THSD7A: variants seen among roughly 807,000 people sequenced by gnomAD.
THSD7A encodes thrombospondin type 1 domain containing 7A, also known as thrombospondin type-1 domain-containing protein 7A.
THSD7A carries 96 observed loss-of-function variants against 231.3 expected under a neutral mutation model. The observed-to-expected ratio is 0.41, with a 90% CI of 0.35 to 0.49. The LOEUF (loss-of-function observed/expected upper bound fraction) is 0.49. THSD7A is among the 20% of genes least tolerant of loss of function. THSD7A has a pLI of 0.05. For synonymous variants in THSD7A, 940 were observed against 743.3 expected, an observed-to-expected ratio of 1.26 and a Z score of -4.30; for missense variants, 2,290 against 2,070.2, an observed-to-expected ratio of 1.11 and a Z score of -2.06.
chr7:11,551,223 T>C (rs1402233805), intron 4 of THSD7A, among the ~76,000 whole-genome samples: 1 of 151,858 alleles, frequency 6.6e-6, no homozygotes, highest in Non-Finnish European at 1.5e-5. Context: ...AAATGTAAAA[T>C]CTAATACTAT....
chr7:11,744,134 T>C (rs1227200510), intron 1 of THSD7A, among the ~76,000 whole-genome samples: 2 of 151,868 alleles, frequency 1.3e-5, no homozygotes, highest in Admixed American at 1.3e-4. Context: ...TCATACCATG[T>C]TGGATACCTG....
intron 4 of THSD7A, among the ~76,000 whole-genome samples, chr7:11,553,800 G>A (rs1032526401): frequency 6.6e-6 from 1 of 151,874 alleles, no homozygotes; most frequent in Non-Finnish European, 1.5e-5. Context: ...GAATGTTTAT[G>A]GTTCCGAAAT....
intron 1 of THSD7A, among the ~76,000 whole-genome samples, chr7:11,795,257 A>G (rs1041536271): frequency 1.3e-5 from 2 of 151,982 alleles, no homozygotes; most frequent in Admixed American, 1.3e-4. Flanking sequence ...GCACACATAC[A>G]CACACAAGCA....
At chr7:11,596,179 T>C (rs1780351628) in intron 2 of THSD7A, among the ~76,000 whole-genome samples, 1 of 152,220 alleles carries the variant, frequency 6.6e-6, no homozygotes, top group African/African-American at 2.4e-5. Context: ...CAATTTATGC[T>C]GTTAATCTTT....
chr7:11,729,072 A>G (rs1781638492), intron 1 of THSD7A, among the ~76,000 whole-genome samples: 1 of 151,864 alleles, frequency 6.6e-6, no homozygotes, highest in African/African-American at 2.4e-5. Flanking sequence ...ATATCTAGAC[A>G]ACACTATCAT....
chr7:11,690,466 G>T (rs1045013093), intron 1 of THSD7A, among the ~76,000 whole-genome samples: 7 of 151,624 alleles, frequency 4.6e-5, no homozygotes, highest in Non-Finnish European at 1.0e-4. Flanking sequence ...TATTCCACTG[G>T]TTCTCTGGTA....
intron 1 of THSD7A, among the ~76,000 whole-genome samples, chr7:11,815,405 C>T (rs1327876571): frequency 6.6e-6 from 1 of 152,062 alleles, no homozygotes; most frequent in Non-Finnish European, 1.5e-5. Context: ...CTACTCCCCT[C>T]ATTTGTATTC....
chr7:11,643,249 C>T (rs1782155257), intron 1 of THSD7A, among the ~76,000 whole-genome samples: 1 of 151,994 alleles, frequency 6.6e-6, no homozygotes, highest in Non-Finnish European at 1.5e-5. Context: ...ACATAAACAG[C>T]TTAGTAATAT....
Position 11,373,089 on chromosome 7 carries a change from A to C in THSD7A, c.*2705T>G, listed in dbSNP as rs1352334698. 2 of 151,472 alleles carry C rather than the reference A, an allele frequency of 1.3e-5. No homozygotes were observed. The highest frequency in any genetic ancestry group is 3.9e-4 in the East Asian group (2 of 5,186). The allele number at this position is 151,472 out of a possible 1,614,324, so 9.4% of individuals were successfully genotyped here. On this transcript the variant is annotated 3_prime_UTR_variant, in exon 28 of 28. Transcript: ENST00000423059. Reference sequence around the variant, plus strand: ...TGTGTGTGTGTGTGTATATATATATATGCATGCATATATGCTGTAAAATCT... The same window carrying C: ...TGTGTGTGTGTGTGTATATATATATCTGCATGCATATATGCTGTAAAATCT...
intron 1 of THSD7A, among the ~76,000 whole-genome samples, chr7:11,646,335 C>A (rs1348212385): frequency 1.3e-5 from 2 of 151,990 alleles, no homozygotes; most frequent in African/African-American, 4.8e-5. Flanking sequence ...ATGTGATTGG[C>A]AGCAGAGTAT....
chr7:11,456,562 C>T (rs1267988609), intron 11 of THSD7A, among the ~76,000 whole-genome samples: 1 of 151,870 alleles, frequency 6.6e-6, no homozygotes, highest in Non-Finnish European at 1.5e-5. Flanking sequence ...AATGACTATT[C>T]AGTATTATTA....
chr7:11,830,996 G>A (rs537211846), intron 1 of THSD7A, among the ~76,000 whole-genome samples: 3 of 152,242 alleles, frequency 2.0e-5, no homozygotes, highest in African/African-American at 7.2e-5. Context: ...CGCAGAAAAG[G>A]GGTTGGTAAT....
chr7:11,547,798 A>G (rs1789460644), intron 4 of THSD7A, among the ~76,000 whole-genome samples: 1 of 152,200 alleles, frequency 6.6e-6, no homozygotes, highest in African/African-American at 2.4e-5. Context: ...ACAAATAAAG[A>G]AATTCTTTGA....
chr7:11,740,617 A>G (rs891780059), intron 1 of THSD7A, among the ~76,000 whole-genome samples: 1 of 151,862 alleles, frequency 6.6e-6, no homozygotes, highest in Non-Finnish European at 1.5e-5. Flanking sequence ...AAATCTTAGC[A>G]TGCCTCCCTT....
chr7:11,768,011 G>T (rs1048505022), intron 1 of THSD7A, among the ~76,000 whole-genome samples: 1 of 152,120 alleles, frequency 6.6e-6, no homozygotes, highest in Admixed American at 6.5e-5. Flanking sequence ...TAAATATCCT[G>T]TAATCTAGGA....
intron 6 of THSD7A, among the ~76,000 whole-genome samples, chr7:11,508,079 C>T (rs967458684): frequency 6.6e-6 from 1 of 152,114 alleles, no homozygotes; most frequent in African/African-American, 2.4e-5. Context: ...ACCATCAGAT[C>T]TTGTGAGGAT....
intron 24 of THSD7A, 125 bp downstream of exon 24, chr7:11,382,396 T>G (rs375036008): frequency 1.7e-5 from 13 of 758,384 alleles, no homozygotes; most frequent in South Asian, 1.0e-4. Context: ...AGCTTAGGCA[T>G]CCTGAATCCC....
At chr7:11,538,358 C>A (rs1789000843) in intron 6 of THSD7A, among the ~76,000 whole-genome samples, 1 of 151,794 alleles carries the variant, frequency 6.6e-6, no homozygotes, top group East Asian at 1.9e-4. Flanking sequence ...TTTTTTTTGG[C>A]AGAGGAGAAG....
chr7:11,769,373 A>C (rs2128171100), intron 1 of THSD7A, among the ~76,000 whole-genome samples: 1 of 151,592 alleles, frequency 6.6e-6, no homozygotes, highest in Non-Finnish European at 1.5e-5. Context: ...TTTGTAACCA[A>C]AGAATAGTTA....
Sources: allele counts gnomAD v4.1 joint callset (sites outside exome capture counted in the v4.1 genomes callset), GRCh38; gene constraint gnomAD v4.1.1; transcripts MANE v1.5; gene names NCBI Gene and HGNC (gene_info 2026-07-23, HGNC 2026-07-21).